Variants in THSD7B observed in about 807,000 individuals in gnomAD.
THSD7B encodes thrombospondin type 1 domain containing 7B, also known as thrombospondin type-1 domain-containing protein 7B.
THSD7B carries 138 observed loss-of-function variants against 213.6 expected under a neutral mutation model. The observed-to-expected ratio is 0.65, with a 90% confidence interval of 0.56 to 0.74. The LOEUF (loss-of-function observed/expected upper bound fraction) is 0.74. Among genes scored for constraint, THSD7B ranks in the 30% least tolerant of loss-of-function variants. THSD7B has a pLI of 0.00. For synonymous variants in THSD7B, 742 were observed against 687.0 expected (o/e 1.08, Z -1.25); for missense variants, 1,931 against 1,991.5 (o/e 0.97, Z 0.58).
intron 1 of THSD7B, among the ~76,000 whole-genome samples, chr2:136,800,303 T>A (rs1682153292): frequency 6.6e-6 from 1 of 151,966 alleles, no homozygotes; most frequent in African/African-American, 2.4e-5. Flanking sequence ...CCTCCTCCTT[T>A]AGGGAGGTGA....
chr2:137,462,948 C>T (rs894133741), intron 15 of THSD7B, among the ~76,000 whole-genome samples: 9 of 152,042 alleles, frequency 5.9e-5, no homozygotes, highest in African/African-American at 2.2e-4. Flanking sequence ...AATCTTCTAT[C>T]TGTGAAATTG....
At chr2:137,126,724 T>C (rs1688635555) in intron 5 of THSD7B, among the ~76,000 whole-genome samples, 1 of 152,250 alleles carries the variant, frequency 6.6e-6, no homozygotes. Flanking sequence ...GAGGCCTTGC[T>C]TTCAGCCAGT....
chr2:137,234,513 T>C (rs1380984429), intron 9 of THSD7B, among the ~76,000 whole-genome samples: 4 of 152,138 alleles, frequency 2.6e-5, no homozygotes, highest in Non-Finnish European at 4.4e-5. Context: ...CTGGTGGTTT[T>C]GCAAATACAC....
At chr2:137,282,390 C>A (rs1190895867) in intron 12 of THSD7B, among the ~76,000 whole-genome samples, 6 of 152,176 alleles carry the variant, frequency 3.9e-5, no homozygotes. Flanking sequence ...TTTCGCTGTG[C>A]AGAAACTCAT....
chr2:136,989,936 A>G (rs1040756698), intron 2 of THSD7B, among the ~76,000 whole-genome samples: 2 of 152,246 alleles, frequency 1.3e-5, no homozygotes, highest in African/African-American at 4.8e-5. Flanking sequence ...GGTTTCACAC[A>G]TGTGAATTCT....
chr2:136,872,390 T>TG (rs201478828), intron 1 of THSD7B, among the ~76,000 whole-genome samples: 8,403 of 38,596 alleles, frequency 0.22, 378 homozygotes, highest in Middle Eastern at 0.38. Flanking sequence ...TTCGGGGGGG[T>TG]GGGGGGGACT....
At chr2:137,378,962 T>A (rs1685719006) in intron 12 of THSD7B, among the ~76,000 whole-genome samples, 1 of 152,208 alleles carries the variant, frequency 6.6e-6, no homozygotes, top group Non-Finnish European at 1.5e-5. Flanking sequence ...TTTATCCATT[T>A]TTTTCTGAAA....
chr2:137,306,838 T>C (rs1683760858), intron 12 of THSD7B, among the ~76,000 whole-genome samples: 1 of 152,184 alleles, frequency 6.6e-6, no homozygotes, highest in South Asian at 2.1e-4. Flanking sequence ...TTTAAAATTC[T>C]ATAATTTCTT....
At chr2:137,305,571 A>G (rs1683721975) in intron 12 of THSD7B, among the ~76,000 whole-genome samples, 1 of 152,150 alleles carries the variant, frequency 6.6e-6, no homozygotes, top group African/African-American at 2.4e-5. Flanking sequence ...TAAAGGAGGG[A>G]AAGGTAGAAA....
chr2:137,080,696 C>G (rs1687730718), intron 3 of THSD7B, among the ~76,000 whole-genome samples: 1 of 151,856 alleles, frequency 6.6e-6, no homozygotes, highest in Admixed American at 6.6e-5. Flanking sequence ...TACATTTTCT[C>G]TCTCTTCTTC....
intron 10 of THSD7B, among the ~76,000 whole-genome samples, chr2:137,253,367 A>G (rs1682231585): frequency 6.6e-6 from 1 of 152,212 alleles, no homozygotes; most frequent in South Asian, 2.1e-4. Flanking sequence ...ATGCTGTCTT[A>G]GTTTATATCT....
At position 137,058,562 on chromosome 2, in the gene THSD7B, T is replaced by C. The variant is rs571831854; in HGVS notation, c.950+1332T>C. ...TCTCCAACATATAGTTTTTTCCTAT[T>C]ATTAACATCTTGCATTCATGTGATA... On this transcript the variant is annotated intron_variant, in intron 3 of 27. Coordinates refer to ENST00000409968, the MANE Select transcript of THSD7B (RefSeq NM_001316349.2). 2.0e-5 allele frequency among the ~76,000 whole-genome samples: 3 copies of C among 152,204 alleles called. No individual in the cohort carries two copies. The South Asian group carries it at 6.2e-4, about 31-fold the overall frequency.
chr2:137,587,187 C>G (rs182724608), intron 17 of THSD7B, among the ~76,000 whole-genome samples: 36 of 152,310 alleles, frequency 2.4e-4, no homozygotes, highest in Admixed American at 1.4e-3. Flanking sequence ...TCACCTCCAT[C>G]AGGTCCTTTA....
At chr2:137,313,986 T>G (rs1379400518) in intron 12 of THSD7B, among the ~76,000 whole-genome samples, 1 of 152,180 alleles carries the variant, frequency 6.6e-6, no homozygotes, top group Non-Finnish European at 1.5e-5. Context: ...TTATGTGTCT[T>G]GGTGTTGCTC....
At chr2:136,966,823 C>T (rs1486634042) in intron 2 of THSD7B, among the ~76,000 whole-genome samples, 2 of 152,104 alleles carry the variant, frequency 1.3e-5, no homozygotes, top group African/African-American at 4.8e-5. Flanking sequence ...TTTTTTCCTT[C>T]TTTCTAAGTC....
intron 17 of THSD7B, among the ~76,000 whole-genome samples, chr2:137,587,268 G>T (rs757543106): frequency 7.2e-5 from 11 of 152,088 alleles, no homozygotes; most frequent in Non-Finnish European, 1.5e-4. Context: ...TAGCTTCTTT[G>T]TGATGGGTTC....
chr2:137,462,955 A>G (rs1687915532), intron 15 of THSD7B, among the ~76,000 whole-genome samples: 1 of 152,106 alleles, frequency 6.6e-6, no homozygotes, highest in Non-Finnish European at 1.5e-5. Flanking sequence ...TATCTGTGAA[A>G]TTGTGAAGAA....
intron 2 of THSD7B, among the ~76,000 whole-genome samples, chr2:136,909,817 G>A (rs773209710): frequency 2.0e-5 from 3 of 152,230 alleles, no homozygotes; most frequent in Non-Finnish European, 4.4e-5. Flanking sequence ...ATTCTTTCCT[G>A]TTGTTGTTAT....
intron 14 of THSD7B, among the ~76,000 whole-genome samples, chr2:137,430,163 C>T (rs1423348479): frequency 6.6e-6 from 1 of 152,098 alleles, no homozygotes; most frequent in Non-Finnish European, 1.5e-5. Context: ...GGGAGGACTA[C>T]TTGAGCCCAG....
Sources: allele counts gnomAD v4.1 joint callset (sites outside exome capture counted in the v4.1 genomes callset), GRCh38; gene constraint gnomAD v4.1.1; transcripts MANE v1.5; gene names NCBI Gene and HGNC (gene_info 2026-07-23, HGNC 2026-07-21).